Variants in ZC3HC1 observed in about 807,000 individuals in gnomAD.
ZC3HC1 encodes the protein zinc finger C3HC-type protein 1.
In ZC3HC1, 38 loss-of-function variants were observed where a neutral mutation model predicts 61.9. The observed-to-expected ratio is 0.61, with a 90% CI of 0.47 to 0.81. The LOEUF (loss-of-function observed/expected upper bound fraction) is 0.81, where lower values mean the gene tolerates loss of function less well. Ranked by LOEUF, ZC3HC1 falls within the 30% of genes least tolerant of loss-of-function variation. ZC3HC1 has a pLI of 0.00. For missense variants in ZC3HC1, 554 were observed against 622.7 expected (o/e 0.89, Z 1.17); for synonymous variants, 213 against 229.9 (o/e 0.93, Z 0.67).
Position 130,026,218 on chromosome 7 carries a change from C to T in ZC3HC1, c.716G>A (p.Gly239Asp), listed in dbSNP as rs762337656. The change falls in exon 6 of 10, where the codon GGC becomes GAC. Residue 239 changes from glycine to aspartate, a missense_variant. By Grantham distance (94) the Gly-to-Asp change is moderately conservative. Coordinates refer to ENST00000358303, the MANE Select transcript of ZC3HC1 (RefSeq NM_016478.5). ...AGTGACGTGGACTTGGATGTCTGAG[C>T]CTAATTTGATTGTAGTTTTTCTCTC... ...TDERKTTIKLGSDIQVHVTAC... is the reference protein window; with the variant it reads ...TDERKTTIKLDSDIQVHVTAC... 3.7e-6 allele frequency: 6 copies of T among 1,613,928 alleles called. No individual in the cohort carries two copies. In the East Asian group the frequency reaches 1.3e-4, roughly 36 times the overall value.
chr7:130,051,241 C>A lies in ZC3HC1; in HGVS notation c.126G>T (p.Pro42=), dbSNP rs143802174. The stretch of plus-strand genomic sequence containing the variant: ...CTCACGCGTCCACGCCTCCCTCTTC[C>A]GGGGCAATCCCCTCATCTATCAGCT... ...IRQLIDEGIA[P]EEGGVDAKDT... is the part of the protein sequence containing the mutation. Residue 42 remains proline (P), a synonymous_variant, in exon 1 of 10, where the codon CCG becomes CCT. Coordinates refer to ENST00000358303, the MANE Select transcript of ZC3HC1 (RefSeq NM_016478.5). The A allele has an allele frequency of 3.1e-6, 5 of 1,609,780 alleles. No individual in the cohort carries two copies. The Admixed American group carries it at 5.1e-5, about 16-fold the overall frequency.
Position 130,039,501 on chromosome 7 carries a change from A to G in ZC3HC1, c.456T>C (p.His152=). ...TGTCTGGCCAGAAACAGAACTTCTC[A>G]TGGGCAGTACACAAGGCTTTCTTCA... The part of the protein sequence containing the change: ...AELKKALCTA[H]EKFCFWPDSP... Residue 152 remains histidine (H), a synonymous_variant, in exon 4 of 10, where the codon CAT becomes CAC. Coordinates refer to ENST00000358303, the MANE Select transcript of ZC3HC1 (RefSeq NM_016478.5). 1 of 1,612,970 alleles carries G rather than the reference A, an allele frequency of 6.2e-7. No individual in the cohort carries two copies. The highest frequency in any genetic ancestry group is 8.5e-7 in the Non-Finnish European group (1 of 1,179,724).
In ZC3HC1 at chr7:130,050,487, T is replaced by C. The variant is rs1408802213; in HGVS notation, c.146+734A>G. 1.1e-5 allele frequency: 16 copies of C among 1,493,994 alleles called. No homozygotes were observed. The African/African-American group carries it at 1.6e-4, about 15-fold the overall frequency. The allele number at this position is 1,493,994 out of a possible 1,614,324, so 92.5% of individuals were successfully genotyped here. A position where few individuals can be genotyped will look rare whatever the true frequency, so the allele number is the denominator to read the frequency against. On this transcript the variant is annotated intron_variant, in intron 1 of 9. Coordinates refer to ENST00000358303, the MANE Select transcript of ZC3HC1 (RefSeq NM_016478.5). ...CATAGAGAGCCTCAAGCGGGTGTGG[T>C]TCTAGGCCAAAAAAAATTCACAGCA...
Position 130,022,525 on chromosome 7 carries a change from C to T in ZC3HC1, c.1234G>A (p.Asp412Asn). ...RARLCSSSSS[D>N]TSSRSFFDPT... is the part of the protein sequence containing the mutation. Reference sequence around the variant, plus strand: ...TCAAAGAAGCTTCGGGAAGATGTGTCCTGAGGAAGGAGAAAAAGAAATAGC... The same window carrying T: ...TCAAAGAAGCTTCGGGAAGATGTGTTCTGAGGAAGGAGAAAAAGAAATAGC... Residue 412 changes from aspartate (D) to asparagine (N), a missense_variant and splice_region_variant, in exon 9 of 10, where the codon GAC (aspartate) becomes AAC (asparagine). By Grantham distance (23) the Asp-to-Asn change is conservative. Coordinates refer to ENST00000358303, the MANE Select transcript of ZC3HC1 (RefSeq NM_016478.5). 1.2e-6 allele frequency: 2 copies of T among 1,614,016 alleles called. No individual in the cohort carries two copies. Among genetic ancestry groups the T allele is most frequent in the Non-Finnish European group, 8.5e-7 (1 of 1,179,976 alleles).
chr7:130,025,066 C>G (rs879933184), intron 6 of ZC3HC1, among the ~76,000 whole-genome samples: 7 of 150,596 alleles, frequency 4.6e-5, no homozygotes, highest in Admixed American at 1.3e-4. Flanking sequence ...CCACCATGCC[C>G]GGCTAATTTT....
intron 4 of ZC3HC1, chr7:130,036,948 C>T (rs1195147086): frequency 1.3e-5 from 2 of 152,160 alleles, no homozygotes; most frequent in Non-Finnish European, 2.9e-5. Context: ...CAGTTTTATA[C>T]ACATTGAGTT....
chr7:130,050,264 A>C (rs1471381436), intron 1 of ZC3HC1, among the ~76,000 whole-genome samples: 1 of 152,078 alleles, frequency 6.6e-6, no homozygotes, highest in African/African-American at 2.4e-5. Context: ...TTTTTAGTAG[A>C]GATGGGGTTT....
intron 4 of ZC3HC1, among the ~76,000 whole-genome samples, chr7:130,030,678 T>A (rs1056033358): frequency 2.6e-5 from 4 of 151,628 alleles, no homozygotes; most frequent in Non-Finnish European, 4.4e-5. Context: ...CATAATCTTT[T>A]TTTTTTTTTT....
intron 9 of ZC3HC1, among the ~76,000 whole-genome samples, chr7:130,019,765 A>G (rs1793547906): frequency 6.7e-6 from 1 of 148,576 alleles, no homozygotes; most frequent in Non-Finnish European, 1.5e-5. Flanking sequence ...GTCTAGCAAG[A>G]TGATCCACAG....
intron 2 of ZC3HC1, among the ~76,000 whole-genome samples, 162 bp from the exon 3 acceptor site, chr7:130,041,263 C>T (rs1226177600): frequency 1.3e-5 from 2 of 151,946 alleles, no homozygotes; most frequent in Non-Finnish European, 2.9e-5. Context: ...TCTAAGCTCA[C>T]TACAACCTCA....
At chr7:130,038,877 A>AC (rs1794533136) in intron 4 of ZC3HC1, among the ~76,000 whole-genome samples, 1 of 151,486 alleles carries the variant, frequency 6.6e-6, no homozygotes, top group Admixed American at 6.6e-5. Flanking sequence ...AAAAAAAAAA[A>AC]AACCAAAAGA....
Position 130,026,555 on chromosome 7 carries a change from CTT to C in ZC3HC1, c.622-245_622-244del, listed in dbSNP as rs1303535709. 1.6e-5 allele frequency: 6 copies of C among 370,814 alleles called. 1 individual carries two copies. The highest frequency in any genetic ancestry group is 2.4e-5 in the Non-Finnish European group (5 of 205,010). The allele number at this position is 370,814 out of a possible 1,614,324, so 23.0% of individuals were successfully genotyped here. A position where few individuals can be genotyped will look rare whatever the true frequency, so the allele number is the denominator to read the frequency against. On this transcript the variant is annotated intron_variant, in intron 5 of 9. Coordinates refer to ENST00000358303, the MANE Select transcript of ZC3HC1 (RefSeq NM_016478.5). ...GAGTCTCCCTGGAACTGCCAAAACT[CTT>C]GTTAGTACTAAATTGTTCAATTTAC... is the stretch of plus-strand genomic sequence containing the variant.
chr7:130,029,266 C>T (rs1316039471), intron 4 of ZC3HC1, among the ~76,000 whole-genome samples: 6 of 151,834 alleles, frequency 4.0e-5, no homozygotes, highest in Admixed American at 3.9e-4. Flanking sequence ...CCCAGCTACT[C>T]GGGAGGCTAA....
chr7:130,038,479 G>A (rs118067989), intron 4 of ZC3HC1, among the ~76,000 whole-genome samples: 2,385 of 152,200 alleles, frequency 0.016, 34 homozygotes, highest in Middle Eastern at 0.024. Flanking sequence ...TGGGAAAAGC[G>A]GAGGGTTTGA....
chr7:130,051,434 A>G (rs939946910), upstream of ZC3HC1: 187 of 1,599,656 alleles, frequency 1.2e-4, no homozygotes, highest in Non-Finnish European at 1.4e-4. Context: ...TGGGAGGTTA[A>G]TATCCGCCTC....
At chr7:130,051,423 C>T, upstream of ZC3HC1, 1 of 1,605,346 alleles carries the variant, frequency 6.2e-7, no homozygotes, top group Non-Finnish European at 8.5e-7. Context: ...AACTTCCGTC[C>T]TGGGAGGTTA....
At chr7:130,022,647 T>G in intron 8 of ZC3HC1, 122 bp from the exon 9 acceptor site, 1 of 1,031,514 alleles carries the variant, frequency 9.7e-7, no homozygotes, top group East Asian at 2.6e-5. Flanking sequence ...GTTTATGCTC[T>G]CCTTCAAACT....
At position 130,030,150 on chromosome 7, in the gene ZC3HC1, C is replaced by A. The variant is rs1794110218; in HGVS notation, c.494-1121G>T. Among the ~76,000 whole-genome samples, 4 of 150,588 alleles carry A rather than the reference C, an allele frequency of 2.7e-5. No individual in the cohort carries two copies. The South Asian group carries it at 8.4e-4, about 32-fold the overall frequency. On this transcript the variant is annotated intron_variant, in intron 4 of 9. Transcript: ENST00000358303. Reference sequence around the variant, plus strand: ...TTGCTAAGCTACTTCCTAAAGAGGTCAGTCTAGTAGGCCTAGAATGAAGTA... The same window carrying A: ...TTGCTAAGCTACTTCCTAAAGAGGTAAGTCTAGTAGGCCTAGAATGAAGTA...
chr7:130,045,535 G>A (rs1427281132), intron 2 of ZC3HC1: 1 of 457,524 alleles, frequency 2.2e-6, no homozygotes, highest in Admixed American at 2.4e-5. Context: ...GCCATTTTCA[G>A]TGGAAAACAA....
Sources: gnomAD v4.1 joint callset for allele counts (sites outside exome capture counted in the v4.1 genomes callset) on GRCh38, gnomAD v4.1.1 for gene constraint, MANE v1.5 for transcripts, NCBI Gene and HGNC (gene_info 2026-07-23, HGNC 2026-07-21) for gene names.